Variants in MEGF10 observed in about 807,000 individuals in gnomAD.
MEGF10 encodes multiple EGF like domains 10, also known as multiple epidermal growth factor-like domains protein 10.
Under a neutral mutation model 147.5 loss-of-function variants are expected in MEGF10, and 86 were observed. That is an observed-to-expected ratio of 0.58 (90% confidence interval 0.49 to 0.70). The LOEUF (loss-of-function observed/expected upper bound fraction) is 0.70, where lower values mean the gene tolerates loss of function less well. Ranked by LOEUF, MEGF10 falls within the 30% of genes least tolerant of loss-of-function variation. The pLI, the probability that MEGF10 is intolerant of heterozygous loss-of-function variation, is 0.00. For synonymous variants in MEGF10, 478 were observed against 525.5 expected, an observed-to-expected ratio of 0.91 and a Z score of 1.24; for missense variants, 1,329 against 1,487.3, an observed-to-expected ratio of 0.89 and a Z score of 1.75.
rs755168350 is a variant in MEGF10, at chr5:127,434,738, G to GCGTT, written c.1894_1897dup (p.His633ArgfsTer15). On this transcript the variant is annotated frameshift_variant, in exon 15 of 25. Transcript: ENST00000503335. LOFTEE classifies it high-confidence loss of function. ...CGCTGCAGCCAGACATGCCCACAGT[G>GCGTT]CGTTCACAGCAGCGGGCCCTGCCAC... 1 of 1,614,022 alleles carries GCGTT rather than the reference G, an allele frequency of 6.2e-7. No homozygotes were observed. The highest frequency in any genetic ancestry group is 1.7e-5 in the Admixed American group (1 of 60,004).
chr5:127,445,574 T>C lies in MEGF10; in HGVS notation c.2609T>C (p.Leu870Pro). ...ATCATCATTCTTGTCCTAGTTGTTCTCTTCCTACTGGCATTGTTCATTATT... is the reference window on the plus strand; with the variant it reads ...ATCATCATTCTTGTCCTAGTTGTTCCCTTCCTACTGGCATTGTTCATTATT... ...AGIIILVLVV[L>P]FLLALFIIYR... The change falls in exon 20 of 25, where the codon CTC becomes CCC. Residue 870 changes from leucine to proline, a missense_variant. This residue lies in a region of MEGF10 where 343 missense variants were observed against 377.9 expected (regional missense o/e 0.91). Transcript: ENST00000503335. 6.2e-7 allele frequency: 1 copy of C among 1,614,140 alleles called. No individual in the cohort carries two copies. Among genetic ancestry groups the C allele is most frequent in the Non-Finnish European group, 8.5e-7 (1 of 1,180,012 alleles).
At chr5:127,374,514 A>T (rs1196211263) in intron 5 of MEGF10, among the ~76,000 whole-genome samples, 1 of 89,288 alleles carries the variant, frequency 1.1e-5, no homozygotes, top group Admixed American at 9.1e-5. Flanking sequence ...CCTATACATA[A>T]AAAAAACCCC....
intron 4 of MEGF10, among the ~76,000 whole-genome samples, chr5:127,355,067 C>G (rs1184322383): frequency 6.6e-6 from 1 of 152,150 alleles, no homozygotes. Context: ...GGCCCAGATT[C>G]TTTAGGCTGA....
chr5:127,394,725 G>A (rs551570402), intron 5 of MEGF10, among the ~76,000 whole-genome samples: 2 of 152,210 alleles, frequency 1.3e-5, no homozygotes, highest in African/African-American at 4.8e-5. Context: ...TAACAATTAG[G>A]CTTCAGTCTC....
intron 22 of MEGF10, among the ~76,000 whole-genome samples, chr5:127,452,183 G>A (rs1009183368): frequency 2.0e-5 from 3 of 152,234 alleles, no homozygotes; most frequent in African/African-American, 4.8e-5. Flanking sequence ...TGGCAGGGGT[G>A]TCTGGCCTCA....
At chr5:127,237,483 C>T in the MEGF10 span, among the ~76,000 whole-genome samples, 1 of 152,164 alleles carries the variant, frequency 6.6e-6, no homozygotes, top group East Asian at 1.9e-4. Flanking sequence ...CAGAGCTAGA[C>T]TCTGTCTCCA....
chr5:127,369,271 A>G (rs1411503950), intron 4 of MEGF10, among the ~76,000 whole-genome samples: 1 of 152,176 alleles, frequency 6.6e-6, no homozygotes, highest in Admixed American at 6.6e-5. Context: ...TCATGTTTGC[A>G]GTGATGCCCC....
chr5:127,326,519 T>C (rs1017881918), intron 1 of MEGF10, among the ~76,000 whole-genome samples: 1 of 152,152 alleles, frequency 6.6e-6, no homozygotes, highest in African/African-American at 2.4e-5. Flanking sequence ...CTGAGATTGT[T>C]CTCAGGGCAA....
At chr5:127,421,919 G>A (rs1217549691) in intron 12 of MEGF10, among the ~76,000 whole-genome samples, 1 of 144,116 alleles carries the variant, frequency 6.9e-6, no homozygotes, top group East Asian at 2.0e-4. Context: ...AACCCGGGAG[G>A]CAGAGCTTGC....
intron 1 of MEGF10, among the ~76,000 whole-genome samples, chr5:127,319,180 A>T (rs1760693893): frequency 6.6e-6 from 1 of 151,738 alleles, no homozygotes; most frequent in African/African-American, 2.4e-5. Context: ...GGTTCAAGTG[A>T]TTCTCCTGCT....
chr5:127,420,581 T>C (rs11956397), intron 12 of MEGF10, among the ~76,000 whole-genome samples: 9,582 of 152,126 alleles, frequency 0.063, 1,042 homozygotes, highest in African/African-American at 0.22. Context: ...TGGTAGAAAG[T>C]GGCAGGGAGT....
At chr5:127,322,946 A>T (rs1760846349) in intron 1 of MEGF10, among the ~76,000 whole-genome samples, 1 of 152,082 alleles carries the variant, frequency 6.6e-6, no homozygotes, top group South Asian at 2.1e-4. Flanking sequence ...TATTTACACA[A>T]TGTGTGTATA....
At chr5:127,356,692 G>T (rs1237182693) in intron 4 of MEGF10, among the ~76,000 whole-genome samples, 2 of 152,204 alleles carry the variant, frequency 1.3e-5, no homozygotes, top group African/African-American at 4.8e-5. Flanking sequence ...GATCCAGGGA[G>T]GAGAATAGGT....
At chr5:127,249,471 A>AAT in the MEGF10 span, among the ~76,000 whole-genome samples, 2 of 152,018 alleles carry the variant, frequency 1.3e-5, no homozygotes, top group African/African-American at 4.8e-5. Flanking sequence ...GAAAAGGACA[A>AAT]ATAAAAGAAA....
chr5:127,395,579 C>T (rs1163303817), intron 5 of MEGF10, among the ~76,000 whole-genome samples: 1 of 102,856 alleles, frequency 9.7e-6, no homozygotes, highest in Non-Finnish European at 1.8e-5. Flanking sequence ...GAGTCTTGCT[C>T]TGTCCCCCAG....
At chr5:127,443,245 C>A (rs1765822406) in intron 19 of MEGF10, 119 bp downstream of exon 19, 2 of 1,078,650 alleles carry the variant, frequency 1.9e-6, no homozygotes, top group African/African-American at 1.6e-5. Context: ...CTCTAAATGG[C>A]ATAATTGGTT....
At chr5:127,310,497 T>G (rs187825723) in intron 1 of MEGF10, among the ~76,000 whole-genome samples, 1 of 152,018 alleles carries the variant, frequency 6.6e-6, no homozygotes, top group African/African-American at 2.4e-5. Flanking sequence ...TGCTTTTAGA[T>G]TTTTTTTAAG....
rs961838268 is a variant in MEGF10, at chr5:127,461,088, A to G, written c.*3770A>G. On this transcript the variant is annotated 3_prime_UTR_variant, in exon 25 of 25. Coordinates refer to ENST00000503335, the MANE Select transcript of MEGF10 (RefSeq NM_001256545.2). Reference sequence around the variant, plus strand: ...TAGGGTTTACTTGGTTGTGGCAAACAAACAAAAAATGCTTTCAGTGTTGAA... The same window carrying G: ...TAGGGTTTACTTGGTTGTGGCAAACGAACAAAAAATGCTTTCAGTGTTGAA... 39 of 152,366 alleles carry G rather than the reference A, an allele frequency of 2.6e-4. No individual in the cohort carries two copies. The highest frequency in any genetic ancestry group is 9.1e-4 in the African/African-American group (38 of 41,594). The allele number at this position is 152,366 out of a possible 1,614,324, so 9.4% of individuals were successfully genotyped here.
At chr5:127,419,692 C>T (rs1303844357) in intron 11 of MEGF10, among the ~76,000 whole-genome samples, 2 of 152,172 alleles carry the variant, frequency 1.3e-5, no homozygotes, top group African/African-American at 2.4e-5. Flanking sequence ...CTTTGTCTCC[C>T]TTCCATATAA....
Sources: gnomAD v4.1 joint callset for allele counts (sites outside exome capture counted in the v4.1 genomes callset) on GRCh38, gnomAD v4.1.1 for gene constraint, gnomAD v4.1.1 regional missense constraint, MANE v1.5 for transcripts, NCBI Gene and HGNC (gene_info 2026-07-23, HGNC 2026-07-21) for gene names.